LRRC7: variants seen among roughly 807,000 people sequenced by gnomAD.
The protein encoded by LRRC7 is leucine rich repeat containing 7.
In LRRC7, 23 loss-of-function variants were observed where a neutral mutation model predicts 175.7. The observed-to-expected ratio is 0.13, with a 90% CI of 0.09 to 0.19. The LOEUF (loss-of-function observed/expected upper bound fraction) is 0.19. Ranked by LOEUF, LRRC7 falls within the 10% of genes least tolerant of loss-of-function variation. LRRC7 has a pLI of 1.00. For missense variants in LRRC7, 1,354 were observed against 1,904.7 expected (o/e 0.71, Z 5.38); for synonymous variants, 685 against 680.9 (o/e 1.01, Z -0.09).
chr1:69,641,882 T>A (rs1012786), intron 1 of LRRC7, among the ~76,000 whole-genome samples: 31,158 of 151,710 alleles, frequency 0.21, 3,899 homozygotes, highest in South Asian at 0.29. Context: ...ATTATTCAAG[T>A]AGTCAAATAT....
intron 23 of LRRC7, among the ~76,000 whole-genome samples, chr1:70,053,347 A>G (rs1458068190): frequency 1.3e-5 from 2 of 152,194 alleles, no homozygotes; most frequent in Non-Finnish European, 2.9e-5. Flanking sequence ...AAAGTTGGTA[A>G]TGAATGTTTA....
At chr1:70,062,203 G>A (rs1661633100) in intron 23 of LRRC7, among the ~76,000 whole-genome samples, 1 of 152,060 alleles carries the variant, frequency 6.6e-6, no homozygotes, top group African/African-American at 2.4e-5. Context: ...ACTTGTTTTG[G>A]TATGGTCTTT....
intron 1 of LRRC7, among the ~76,000 whole-genome samples, chr1:69,639,687 A>C (rs1460745427): frequency 5.3e-5 from 8 of 151,766 alleles, no homozygotes; most frequent in Admixed American, 2.6e-4. Context: ...ACTTTTATAA[A>C]CTGGTATCAA....
Position 69,879,353 on chromosome 1 carries a change from T to C in LRRC7, c.647+41070T>C, listed in dbSNP as rs546040285. ...ACAAAAATTTCCAGGCCTAATGTCA[T>C]GACTGGCCTCAGGCCAAGAACTCTC... On this transcript the variant is annotated intron_variant, in intron 7 of 26. Transcript: ENST00000651989. Among the ~76,000 whole-genome samples the C allele has an allele frequency of 2.0e-5, 3 of 151,982 alleles. No individual in the cohort carries two copies. The South Asian group carries it at 6.2e-4, about 32-fold the overall frequency.
chr1:69,767,647 T>C (rs1381410799), intron 3 of LRRC7, among the ~76,000 whole-genome samples: 1 of 152,128 alleles, frequency 6.6e-6, no homozygotes, highest in African/African-American at 2.4e-5. Flanking sequence ...AGTGGTACTA[T>C]GTTCTTCGTT....
intron 1 of LRRC7, among the ~76,000 whole-genome samples, chr1:69,671,514 G>A (rs1659074714): frequency 6.6e-6 from 1 of 152,138 alleles, no homozygotes. Flanking sequence ...TGGTATCTCA[G>A]TAGGTCACAT....
chr1:69,766,190 G>A (rs1417483352), intron 3 of LRRC7, among the ~76,000 whole-genome samples: 1 of 152,054 alleles, frequency 6.6e-6, no homozygotes, highest in East Asian at 1.9e-4. Context: ...CGCATACAGA[G>A]GCAAAATTGG....
In LRRC7 at chr1:70,059,472, A is replaced by T. The variant is rs547743139; in HGVS notation, c.4230+6327A>T. Among the ~76,000 whole-genome samples the T allele has an allele frequency of 3.5e-4, 40 of 115,180 alleles. No individual in the cohort carries two copies. The Middle Eastern group carries it at 0.013, about 38-fold the overall frequency. 75.6% of individuals were successfully genotyped at this position (115,180 alleles called of 152,430 possible). On this transcript the variant is annotated intron_variant, in intron 23 of 26. Transcript: ENST00000651989. ...ATTTATCAGAAGAAGAAACTAGAAG[A>T]AAGTGTGTGTGTGTGTGTGTGTGTG...
chr1:69,667,766 A>T (rs1658480687), intron 1 of LRRC7, among the ~76,000 whole-genome samples: 2 of 152,136 alleles, frequency 1.3e-5, no homozygotes, highest in Admixed American at 6.5e-5. Flanking sequence ...CAGTCACTCC[A>T]CAACTTTTGA....
intron 24 of LRRC7, among the ~76,000 whole-genome samples, chr1:70,087,791 A>G (rs540623414): frequency 2.0e-5 from 3 of 152,300 alleles, no homozygotes; most frequent in African/African-American, 7.2e-5. Flanking sequence ...ACATTAGTGC[A>G]TAGTTTTTCA....
intron 8 of LRRC7, among the ~76,000 whole-genome samples, chr1:69,974,996 A>T (rs142840674): frequency 7.9e-4 from 121 of 152,280 alleles, no homozygotes; most frequent in African/African-American, 2.7e-3. Context: ...TTATTATCAG[A>T]TTATTTATCC....
At chr1:69,888,192 C>T (rs983495618) in intron 7 of LRRC7, among the ~76,000 whole-genome samples, 3 of 151,958 alleles carry the variant, frequency 2.0e-5, no homozygotes, top group African/African-American at 4.8e-5. Flanking sequence ...CAAGCCTGGG[C>T]AATGGCGGTC....
chr1:69,717,954 AAGAAGAAAAAG>A (rs879604540), intron 2 of LRRC7, among the ~76,000 whole-genome samples: 24,634 of 105,874 alleles, frequency 0.23, 4,324 homozygotes, highest in African/African-American at 0.39. Flanking sequence ...GAAAGAAAGA[AAGAAGAAAAAG>A]AAAGAAAGAG....
intron 1 of LRRC7, among the ~76,000 whole-genome samples, chr1:69,619,984 G>T (rs1749494): frequency 0.13 from 19,523 of 152,116 alleles, 1,594 homozygotes; most frequent in South Asian, 0.19. Flanking sequence ...ATTCTATCTT[G>T]CAAAGAGACT....
At chr1:70,012,941 AT>A in intron 12 of LRRC7, 32 bp from the exon 13 acceptor site, 5 of 1,202,580 alleles carry the variant, frequency 4.2e-6, no homozygotes, top group African/African-American at 1.5e-5. Context: ...TTGTGGTCTG[AT>A]TTTTTTACCT....
chr1:70,140,930 A>C lies in LRRC7; in HGVS notation c.*19043A>C, dbSNP rs1240423746. On this transcript the variant is annotated 3_prime_UTR_variant, in exon 27 of 27. Coordinates refer to ENST00000651989, the MANE Select transcript of LRRC7 (RefSeq NM_001370785.2). ...CAGCATCGAGAAGCAACTTTCAGTC[A>C]TTTTTCTATAAACAACTTTCCTCAG... Among the ~76,000 whole-genome samples, 1 of 152,140 alleles carries C rather than the reference A, an allele frequency of 6.6e-6. No homozygotes were observed. Among genetic ancestry groups the C allele is most frequent in the Non-Finnish European group, 1.5e-5 (1 of 68,004 alleles).
intron 1 of LRRC7, among the ~76,000 whole-genome samples, chr1:69,628,103 C>A (rs554265922): frequency 6.6e-6 from 1 of 152,084 alleles, no homozygotes; most frequent in Non-Finnish European, 1.5e-5. Context: ...TCTCACTACT[C>A]GTTCTCAGCA....
chr1:69,690,050 A>T (rs1346757003), intron 2 of LRRC7, among the ~76,000 whole-genome samples: 1 of 152,172 alleles, frequency 6.6e-6, no homozygotes, highest in African/African-American at 2.4e-5. Flanking sequence ...TTTCATTCAA[A>T]CTTCAGGCAA....
At chr1:69,693,853 A>T (rs1173454093) in intron 2 of LRRC7, among the ~76,000 whole-genome samples, 1 of 152,174 alleles carries the variant, frequency 6.6e-6, no homozygotes, top group Non-Finnish European at 1.5e-5. Flanking sequence ...CTTTAACAAT[A>T]TGAAACTGGC....
Sources: allele counts gnomAD v4.1 joint callset (sites outside exome capture counted in the v4.1 genomes callset), GRCh38; gene constraint gnomAD v4.1.1; transcripts MANE v1.5; gene names NCBI Gene and HGNC (gene_info 2026-07-23, HGNC 2026-07-21).